The following GABBR2 variants were observed in gnomAD, a reference collection of about 807,000 sequenced individuals.
GABBR2 encodes gamma-aminobutyric acid type B receptor subunit 2.
In GABBR2, 23 loss-of-function variants were observed where a neutral mutation model predicts 105.6. That is an observed-to-expected ratio of 0.22 (90% CI 0.16 to 0.31). The LOEUF (loss-of-function observed/expected upper bound fraction) is 0.31. Ranked by LOEUF, GABBR2 falls within the 10% of genes least tolerant of loss-of-function variation. GABBR2 has a pLI of 1.00. For missense variants in GABBR2, 734 were observed against 1,245.5 expected (o/e 0.59, Z 6.18); for synonymous variants, 478 against 499.7 (o/e 0.96, Z 0.58).
At position 98,470,860 on chromosome 9, in the gene GABBR2, C is replaced by T. The variant is rs189146284; in HGVS notation, c.999+2286G>A. ...TGTTTAATCTTGATTACCGATGTAT[C>T]TGGCACCCTTTTAAATTTCAGGCTT... is the stretch of plus-strand genomic sequence containing the variant. On this transcript the variant is annotated intron_variant, in intron 6 of 18. Coordinates refer to ENST00000259455, the MANE Select transcript of GABBR2 (RefSeq NM_005458.8). Among the ~76,000 whole-genome samples, 13 of 151,950 alleles carry T rather than the reference C, an allele frequency of 8.6e-5. No homozygotes were observed. The East Asian group carries it at 2.5e-3, about 29-fold the overall frequency.
At chr9:98,619,710 G>A (rs1829641917) in intron 1 of GABBR2, among the ~76,000 whole-genome samples, 1 of 152,132 alleles carries the variant, frequency 6.6e-6, no homozygotes, top group South Asian at 2.1e-4. Flanking sequence ...GGAGTTCCTT[G>A]TTTTTCTTGC....
At chr9:98,552,771 C>A (rs886782873) in intron 2 of GABBR2, among the ~76,000 whole-genome samples, 2 of 152,176 alleles carry the variant, frequency 1.3e-5, no homozygotes, top group African/African-American at 4.8e-5. Context: ...TGGGCTAGAA[C>A]CTCTTGGGGA....
At chr9:98,487,795 A>C (rs1439065751) in intron 4 of GABBR2, among the ~76,000 whole-genome samples, 1 of 152,036 alleles carries the variant, frequency 6.6e-6, no homozygotes, top group African/African-American at 2.4e-5. Flanking sequence ...CCAGTCCCCC[A>C]AAAAAGGCCA....
intron 1 of GABBR2, among the ~76,000 whole-genome samples, chr9:98,692,171 G>C (rs1012256860): frequency 6.6e-6 from 1 of 152,156 alleles, no homozygotes; most frequent in Non-Finnish European, 1.5e-5. Flanking sequence ...GCATGTGAGT[G>C]GCCTACATTG....
Position 98,306,181 on chromosome 9 carries a change from G to A in GABBR2, c.2169C>T (p.Ile723=), listed in dbSNP as rs749200227. The change falls in exon 15 of 19, where the codon ATC becomes ATT. Residue 723 remains isoleucine, a synonymous_variant. Coordinates refer to ENST00000259455, the MANE Select transcript of GABBR2 (RefSeq NM_005458.8). This position sits in a 1 kb window ranked among gnomAD's most constrained non-coding sequence, Gnocchi z 5.4. ...TGCAGAAGATGATGACCAGAGCCAC[G>A]ATGCAGAACTGCACATTGGGCTGGT... ...TRDQPNVQFC[I]VALVIIFCST... The A allele has an allele frequency of 6.2e-6, 10 of 1,614,196 alleles. No homozygotes were observed. The East Asian group carries it at 1.6e-4, about 25-fold the overall frequency.
intron 13 of GABBR2, among the ~76,000 whole-genome samples, chr9:98,339,703 T>G (rs555934607): frequency 2.6e-4 from 39 of 152,298 alleles, no homozygotes; most frequent in African/African-American, 8.9e-4. Context: ...TCAACTAATA[T>G]TATTTATTGA....
chr9:98,332,183 A>T (rs1400060922), intron 13 of GABBR2, among the ~76,000 whole-genome samples: 1 of 152,162 alleles, frequency 6.6e-6, no homozygotes, highest in Non-Finnish European at 1.5e-5. Context: ...TGGAAACAGA[A>T]CACTCTCTGC....
At chr9:98,400,198 A>ATTT (rs1564052293) in intron 8 of GABBR2, among the ~76,000 whole-genome samples, 7 of 148,844 alleles carry the variant, frequency 4.7e-5, no homozygotes, top group South Asian at 2.1e-4. Context: ...TTTTTTTTTA[A>ATTT]AAAAAAAAGA....
chr9:98,314,285 T>C (rs191989974), intron 13 of GABBR2, among the ~76,000 whole-genome samples: 12 of 152,246 alleles, frequency 7.9e-5, no homozygotes, highest in Admixed American at 7.8e-4. Flanking sequence ...TTAATTAAGG[T>C]GACAGAACTG....
intron 16 of GABBR2, among the ~76,000 whole-genome samples, chr9:98,300,336 GTCT>G (rs1830448909): frequency 6.6e-6 from 1 of 151,878 alleles, no homozygotes; most frequent in African/African-American, 2.4e-5. Flanking sequence ...TTAGAGACAA[GTCT>G]TCTCTATGTT....
chr9:98,481,021 G>T (rs1564086630), intron 4 of GABBR2, 24 bp from the exon 5 acceptor site: 2 of 1,490,998 alleles, frequency 1.3e-6, no homozygotes, highest in African/African-American at 1.4e-5. Flanking sequence ...GACACATCAT[G>T]AAGGTGAGTA....
At chr9:98,648,730 C>T (rs1164145049) in intron 1 of GABBR2, among the ~76,000 whole-genome samples, 1 of 152,150 alleles carries the variant, frequency 6.6e-6, no homozygotes, top group Non-Finnish European at 1.5e-5. Context: ...TTACCCCAAC[C>T]CCAACCCACA....
chr9:98,640,942 G>T (rs528048571), intron 1 of GABBR2, among the ~76,000 whole-genome samples: 9 of 152,070 alleles, frequency 5.9e-5, no homozygotes, highest in Admixed American at 5.9e-4. Flanking sequence ...CAGTTTCCCC[G>T]TTTGCAAAAT....
intron 13 of GABBR2, among the ~76,000 whole-genome samples, chr9:98,328,363 C>T (rs542692463): frequency 3.3e-5 from 5 of 152,106 alleles, no homozygotes; most frequent in Admixed American, 6.5e-5. Context: ...CTATTAGTGA[C>T]GTGGCTGATT....
intron 1 of GABBR2, among the ~76,000 whole-genome samples, chr9:98,688,750 GCTA>G (rs1287187077): frequency 6.6e-6 from 1 of 152,100 alleles, no homozygotes; most frequent in Non-Finnish European, 1.5e-5. Flanking sequence ...TGGAATCATA[GCTA>G]GTTATAGTTC....
chr9:98,474,126 G>A lies in GABBR2; in HGVS notation c.799-780C>T, dbSNP rs1054884714. 3.3e-5 allele frequency among the ~76,000 whole-genome samples: 5 copies of A among 152,118 alleles called. No individual in the cohort carries two copies. In the East Asian group the frequency reaches 5.8e-4, roughly 18 times the overall value. ...TGATTGTCACTCACATTCACTCTGG[G>A]AGGTGGTTTATCATCCTCATTCTAG... On this transcript the variant is annotated intron_variant, in intron 5 of 18. Transcript: ENST00000259455.
At chr9:98,677,513 C>G (rs914315784) in intron 1 of GABBR2, among the ~76,000 whole-genome samples, 2 of 152,230 alleles carry the variant, frequency 1.3e-5, no homozygotes, top group Non-Finnish European at 2.9e-5. Flanking sequence ...TCATTTTCAG[C>G]CAATTGTGCC....
intron 7 of GABBR2, among the ~76,000 whole-genome samples, chr9:98,417,338 G>A (rs556187585): frequency 1.3e-5 from 2 of 152,316 alleles, no homozygotes; most frequent in East Asian, 1.9e-4. Context: ...AGGTGGAGGA[G>A]CTACTTGTCA....
chr9:98,556,708 G>A (rs559427222), intron 2 of GABBR2, among the ~76,000 whole-genome samples: 98 of 152,234 alleles, frequency 6.4e-4, no homozygotes, highest in Non-Finnish European at 1.2e-3. Context: ...CTGTAAAATG[G>A]GGAGAATAAG....
Sources: gnomAD v4.1 joint callset for allele counts (sites outside exome capture counted in the v4.1 genomes callset) on GRCh38, gnomAD v4.1.1 for gene constraint, Gnocchi (gnomAD v3.1) non-coding constraint, MANE v1.5 for transcripts, NCBI Gene and HGNC (gene_info 2026-07-23, HGNC 2026-07-21) for gene names.